PARD3B: variants seen among roughly 807,000 people sequenced by gnomAD.
PARD3B encodes par-3 family cell polarity regulator beta, also known as partitioning defective 3 homolog B.
In PARD3B, 103 loss-of-function variants were observed where a neutral mutation model predicts 130.2. The ratio of observed to expected loss-of-function variants is 0.79; its 90% CI spans 0.67 to 0.93. PARD3B has a LOEUF of 0.93. Ranked by LOEUF, PARD3B falls within the 40% of genes least tolerant of loss-of-function variation. PARD3B has a pLI of 0.00. For missense variants in PARD3B, 1,609 were observed against 1,499.2 expected (o/e 1.07, Z -1.21); for synonymous variants, 583 against 553.2 (o/e 1.05, Z -0.76).
chr2:204,728,583 C>A (rs2039344081), intron 2 of PARD3B, among the ~76,000 whole-genome samples: 1 of 148,248 alleles, frequency 6.7e-6, no homozygotes, highest in African/African-American at 2.5e-5. Context: ...TTGTGTAATA[C>A]TCTAGCAGTT....
chr2:204,974,261 A>G (rs751667053), intron 3 of PARD3B, among the ~76,000 whole-genome samples: 4 of 151,998 alleles, frequency 2.6e-5, no homozygotes, highest in Non-Finnish European at 5.9e-5. Flanking sequence ...TATTTTCTTT[A>G]TTTTCTTTTT....
intron 2 of PARD3B, among the ~76,000 whole-genome samples, chr2:204,905,765 T>A (rs2047021415): frequency 6.6e-6 from 1 of 152,190 alleles, no homozygotes; most frequent in Non-Finnish European, 1.5e-5. Context: ...TGCCCTCTCC[T>A]TCCTACTTAA....
At chr2:204,910,844 T>A (rs1165453813) in intron 2 of PARD3B, among the ~76,000 whole-genome samples, 1 of 152,002 alleles carries the variant, frequency 6.6e-6, no homozygotes, top group East Asian at 1.9e-4. Context: ...GGGTTTCACT[T>A]TGTTAGCCAG....
chr2:205,388,592 A>C (rs775716053), intron 18 of PARD3B, among the ~76,000 whole-genome samples: 7 of 152,176 alleles, frequency 4.6e-5, no homozygotes, highest in Admixed American at 1.3e-4. Context: ...TTAGAAATCA[A>C]GTTGTTGTTG....
At chr2:205,363,361 A>T (rs1460939379) in intron 18 of PARD3B, among the ~76,000 whole-genome samples, 1 of 152,162 alleles carries the variant, frequency 6.6e-6, no homozygotes, top group Non-Finnish European at 1.5e-5. Context: ...TACCCGCCAA[A>T]TCCATAGGTT....
chr2:205,500,140 C>G, intron 21 of PARD3B, 109 bp downstream of exon 21: 1 of 1,288,156 alleles, frequency 7.8e-7, no homozygotes, highest in East Asian at 2.4e-5. Flanking sequence ...ATTTAGGTTT[C>G]TTGGGCTTCA....
At chr2:205,334,374 C>T (rs2043237480) in intron 18 of PARD3B, among the ~76,000 whole-genome samples, 1 of 152,110 alleles carries the variant, frequency 6.6e-6, no homozygotes, top group Non-Finnish European at 1.5e-5. Context: ...CCCATCCCCC[C>T]AAAATGTTAG....
chr2:205,059,150 A>G (rs941168612), intron 4 of PARD3B, among the ~76,000 whole-genome samples: 13 of 151,966 alleles, frequency 8.6e-5, no homozygotes, highest in African/African-American at 2.4e-4. Flanking sequence ...TTGCCTGTGA[A>G]TATCCAGTTT....
At position 205,301,642 on chromosome 2, in the gene PARD3B, AGAG is replaced by A. The variant is rs759184892; in HGVS notation, c.2575_2577del (p.Glu859del). On this transcript the variant is annotated inframe_deletion, in exon 18 of 23. Coordinates refer to ENST00000406610, the MANE Select transcript of PARD3B (RefSeq NM_001302769.2). The surrounding 1 kb of genome is among the most constrained non-coding windows in gnomAD (Gnocchi z 5.2). Reference sequence around the variant, plus strand: ...TGAAAGTCAAGGAGAAAAAGCGCAAAGAGGAGAATGAAGATCCAGAAAGGAAAA... The same window carrying A: ...TGAAAGTCAAGGAGAAAAAGCGCAAAGAGAATGAAGATCCAGAAAGGAAAA... The A allele has an allele frequency of 1.2e-6, 2 of 1,613,660 alleles. No individual in the cohort carries two copies. The highest frequency in any genetic ancestry group is 8.5e-7 in the Non-Finnish European group (1 of 1,179,668).
At position 205,021,129 on chromosome 2, in the gene PARD3B, A is replaced by G. The variant is rs928108690; in HGVS notation, c.395-26452A>G. On this transcript the variant is annotated intron_variant, in intron 3 of 22. Transcript: ENST00000406610. This position sits in a 1 kb window ranked among gnomAD's most constrained non-coding sequence, Gnocchi z 4.5. ...ACTACCTCCAAACCAGAAATTTCTA[A>G]TACAGCAAATAAAGCAAATTGGAAT... Among the ~76,000 whole-genome samples the G allele has an allele frequency of 6.6e-6, 1 of 152,170 alleles. No homozygotes were observed. The highest frequency in any genetic ancestry group is 2.4e-5 in the African/African-American group (1 of 41,442).
At chr2:205,152,766 C>T (rs529016089) in intron 10 of PARD3B, among the ~76,000 whole-genome samples, 106 of 152,306 alleles carry the variant, frequency 7.0e-4, no homozygotes, top group African/African-American at 2.4e-3. Flanking sequence ...GTCAACTTGT[C>T]AGAGTCATTC....
chr2:205,194,058 A>G (rs2125808224), intron 15 of PARD3B, among the ~76,000 whole-genome samples: 1 of 152,334 alleles, frequency 6.6e-6, no homozygotes, highest in Middle Eastern at 3.4e-3. Flanking sequence ...GGGCTCTTAG[A>G]GAGAACACCA....
intron 15 of PARD3B, among the ~76,000 whole-genome samples, chr2:205,211,980 C>A (rs2037662874): frequency 6.6e-6 from 1 of 151,994 alleles, no homozygotes; most frequent in Admixed American, 6.6e-5. Context: ...TATCATAGCA[C>A]CCAAATTGAA....
chr2:204,841,264 TG>T (rs1262628219), intron 2 of PARD3B, among the ~76,000 whole-genome samples: 2 of 152,038 alleles, frequency 1.3e-5, no homozygotes, highest in African/African-American at 2.4e-5. Context: ...CAGAGTGGAA[TG>T]GAAAATTATA....
intron 4 of PARD3B, among the ~76,000 whole-genome samples, chr2:205,085,643 A>G (rs1448126272): frequency 6.6e-6 from 1 of 152,080 alleles, no homozygotes; most frequent in African/African-American, 2.4e-5. Context: ...TTTAAACAAT[A>G]ACCATTGGGG....
intron 3 of PARD3B, among the ~76,000 whole-genome samples, chr2:205,008,215 T>G (rs1695433366): frequency 6.6e-6 from 1 of 152,164 alleles, no homozygotes; most frequent in South Asian, 2.1e-4. Context: ...GGGGCATGTT[T>G]TTCTGGAAGT....
At chr2:204,725,643 A>G (rs2039189900) in intron 2 of PARD3B, among the ~76,000 whole-genome samples, 1 of 152,214 alleles carries the variant, frequency 6.6e-6, no homozygotes, top group African/African-American at 2.4e-5. Flanking sequence ...TATGTATTCA[A>G]ACAATAAGGT....
intron 3 of PARD3B, among the ~76,000 whole-genome samples, chr2:204,977,350 G>A (rs1214073933): frequency 6.6e-6 from 1 of 152,136 alleles, no homozygotes; most frequent in African/African-American, 2.4e-5. Flanking sequence ...CAGGGAATAG[G>A]AATTTGTTTT....
At chr2:204,605,075 C>G (rs539984447) in intron 1 of PARD3B, among the ~76,000 whole-genome samples, 1 of 152,218 alleles carries the variant, frequency 6.6e-6, no homozygotes, top group African/African-American at 2.4e-5. Flanking sequence ...TAACTCTGGG[C>G]TCTTAGGATA....
Sources: gnomAD v4.1 joint callset for allele counts (sites outside exome capture counted in the v4.1 genomes callset) on GRCh38, gnomAD v4.1.1 for gene constraint, Gnocchi (gnomAD v3.1) non-coding constraint, MANE v1.5 for transcripts, NCBI Gene and HGNC (gene_info 2026-07-23, HGNC 2026-07-21) for gene names.